Variants in TPPP3 observed in about 807,000 individuals in gnomAD.
TPPP3 encodes the protein tubulin polymerization-promoting protein family member 3.
A neutral mutation model predicts 13.1 loss-of-function variants in TPPP3; 7 were observed. The ratio of observed to expected loss-of-function variants is 0.54; its 90% CI spans 0.30 to 1.01. The LOEUF is 1.01. TPPP3 is among the 50% of genes least tolerant of loss of function. TPPP3 has a pLI of 0.06. For synonymous variants in TPPP3, 87 were observed against 93.7 expected (o/e 0.93, Z 0.41); for missense variants, 185 against 235.0 (o/e 0.79, Z 1.39).
Position 67,390,114 on chromosome 16 carries a change from G to A in TPPP3, c.*60C>T. 1.3e-6 allele frequency: 2 copies of A among 1,561,210 alleles called. No individual in the cohort carries two copies. Among genetic ancestry groups the A allele is most frequent in the Non-Finnish European group, 1.7e-6 (2 of 1,143,132 alleles). On this transcript the variant is annotated 3_prime_UTR_variant, in exon 4 of 4. Coordinates refer to ENST00000393957, the MANE Select transcript of TPPP3 (RefSeq NM_015964.4). This position sits in a 1 kb window ranked among gnomAD's most constrained non-coding sequence, Gnocchi z 6.4. ...GATCTCTTGCTCCACGTGCCCCTTA[G>A]ACCCAGGCCTGAGCCTCTGGCAGGG...
rs1032936125 is a variant in TPPP3, at chr16:67,390,107, C to T, written c.*67G>A. On this transcript the variant is annotated 3_prime_UTR_variant, in exon 4 of 4. Transcript: ENST00000393957. The surrounding 1 kb of genome is among the most constrained non-coding windows in gnomAD (Gnocchi z 6.4). ...GGACCAGGATCTCTTGCTCCACGTG[C>T]CCCTTAGACCCAGGCCTGAGCCTCT... 1 of 1,522,882 alleles carries T rather than the reference C, an allele frequency of 6.6e-7. No homozygotes were observed. Among genetic ancestry groups the T allele is most frequent in the Admixed American group, 1.8e-5 (1 of 54,888 alleles). The allele number at this position is 1,522,882 out of a possible 1,614,324, so 94.3% of individuals were successfully genotyped here.
Position 67,391,049 on chromosome 16 carries a change from A to G in TPPP3, c.63T>C (p.Gly21=), listed in dbSNP as rs779477089. The change falls in exon 2 of 4, where the codon GGT becomes GGC. Residue 21 remains glycine (G), a synonymous_variant. Transcript: ENST00000393957. The surrounding 1 kb of genome is among the most constrained non-coding windows in gnomAD (Gnocchi z 6.3). ...TCTCTTGCCCACTGGCCTTGGGGTC[A>G]CCATGGATGGCAAACTTGCGGAAGC... is the stretch of plus-strand genomic sequence containing the variant. ...EESFRKFAIH[G]DPKASGQEMN... is the part of the protein sequence containing the mutation. 11 of 1,614,060 alleles carry G rather than the reference A, an allele frequency of 6.8e-6. No individual in the cohort carries two copies. Among genetic ancestry groups the G allele is most frequent in the African/African-American group, 1.3e-5 (1 of 74,920 alleles).
Position 67,392,134 on chromosome 16 carries a change from C to G in TPPP3, c.-6-1017G>C, listed in dbSNP as rs1461348328. ...CACACCAGCCCACATTCCCAGCGAC[C>G]CTGTGCACTCAGCCCTGGCCTGCCA... On this transcript the variant is annotated intron_variant, in intron 1 of 3. Coordinates refer to ENST00000393957, the MANE Select transcript of TPPP3 (RefSeq NM_015964.4). This position sits in a 1 kb window ranked among gnomAD's most constrained non-coding sequence, Gnocchi z 4.9. Among the ~76,000 whole-genome samples the G allele has an allele frequency of 6.6e-6, 1 of 151,732 alleles. No homozygotes were observed. Among genetic ancestry groups the G allele is most frequent in the Admixed American group, 6.6e-5 (1 of 15,242 alleles).
Position 67,390,574 on chromosome 16 carries a change from C to T in TPPP3, c.247G>A (p.Ala83Thr). 6.2e-7 allele frequency: 1 copy of T among 1,614,010 alleles called. No homozygotes were observed. The highest frequency in any genetic ancestry group is 8.5e-7 in the Non-Finnish European group (1 of 1,180,020). Residue 83 changes from alanine to threonine, a missense_variant, in exon 3 of 4, where the codon GCG becomes ACG. Ala to Thr is a moderately conservative substitution (Grantham distance 58). Coordinates refer to ENST00000393957, the MANE Select transcript of TPPP3 (RefSeq NM_015964.4). This position sits in a 1 kb window ranked among gnomAD's most constrained non-coding sequence, Gnocchi z 6.4. ...CTCTTCCCCTTGAATCTCTTGGTCG[C>T]CAGCTCTTCCAGGGCCTTCTTGAAC... ...EEFKKALEEL[A>T]TKRFKGKSKE... is the part of the protein sequence containing the mutation.
chr16:67,393,439 T>G lies in TPPP3; in HGVS notation c.-66A>C. The G allele has an allele frequency of 1.0e-6, 1 of 985,586 alleles. No homozygotes were observed. Among genetic ancestry groups the G allele is most frequent in the Non-Finnish European group, 1.2e-6 (1 of 830,048 alleles). The allele number at this position is 985,586 out of a possible 1,614,324, so 61.1% of individuals were successfully genotyped here. A position where few individuals can be genotyped will look rare whatever the true frequency, so the allele number is the denominator to read the frequency against. ...ACAGAACGACGCAGGAATGGACCGATGGACGCGGGAGACCAGGCGGCTCCG... is the reference window on the plus strand; with the variant it reads ...ACAGAACGACGCAGGAATGGACCGAGGGACGCGGGAGACCAGGCGGCTCCG... On this transcript the variant is annotated 5_prime_UTR_variant, in exon 1 of 4. Transcript: ENST00000393957. The surrounding 1 kb of genome is among the most constrained non-coding windows in gnomAD (Gnocchi z 5.4).
rs576548850 is a variant in TPPP3, at chr16:67,390,005, A to G, written c.*169T>C. The G allele has an allele frequency of 6.1e-6, 4 of 655,384 alleles. No individual in the cohort carries two copies. The Admixed American group carries it at 1.2e-4, about 19-fold the overall frequency. 40.6% of individuals were successfully genotyped at this position (655,384 alleles called of 1,614,324 possible). A position where few individuals can be genotyped will look rare whatever the true frequency, so the allele number is the denominator to read the frequency against. ...GAGGAGGAGGAAGGGGCCGCAGAGC[A>G]GCCTGGGTCAGAGGCCTGGTGGGCC... On this transcript the variant is annotated 3_prime_UTR_variant, in exon 4 of 4. Transcript: ENST00000393957. This position sits in a 1 kb window ranked among gnomAD's most constrained non-coding sequence, Gnocchi z 6.4.
In TPPP3 at chr16:67,390,146, G is replaced by A. The variant is rs751303294; in HGVS notation, c.*28C>T. The stretch of plus-strand genomic sequence containing the variant: ...GCCTGAGCCTCTGGCAGGGGCAGCC[G>A]CACTTGGCAGGGCGGTCTTCCCAAG... On this transcript the variant is annotated 3_prime_UTR_variant, in exon 4 of 4. Transcript: ENST00000393957. This position sits in a 1 kb window ranked among gnomAD's most constrained non-coding sequence, Gnocchi z 6.4. 1.6e-5 allele frequency: 26 copies of A among 1,606,042 alleles called. No homozygotes were observed. The highest frequency in any genetic ancestry group is 1.3e-4 in the East Asian group (6 of 44,746).
In TPPP3 at chr16:67,392,156, G is replaced by A. The variant is rs1411828397; in HGVS notation, c.-6-1039C>T. The stretch of plus-strand genomic sequence containing the variant: ...GACCCTGTGCACTCAGCCCTGGCCT[G>A]CCACCCCCTGGGCCTTGTACCCCTG... On this transcript the variant is annotated intron_variant, in intron 1 of 3. Coordinates refer to ENST00000393957, the MANE Select transcript of TPPP3 (RefSeq NM_015964.4). This position sits in a 1 kb window ranked among gnomAD's most constrained non-coding sequence, Gnocchi z 4.9. Among the ~76,000 whole-genome samples the A allele has an allele frequency of 6.6e-6, 1 of 150,986 alleles. No homozygotes were observed. Among genetic ancestry groups the A allele is most frequent in the Non-Finnish European group, 1.5e-5 (1 of 67,762 alleles).
Position 67,390,389 on chromosome 16 carries a change from C to T in TPPP3, c.343-27G>A. ...TGTTTGGACAGAGTTTCCCCAGGGG[C>T]ACCTGATGAGGGAGCCCAGCCCTTC... On this transcript the variant is annotated intron_variant, in intron 3 of 3. Transcript: ENST00000393957. The surrounding 1 kb of genome is among the most constrained non-coding windows in gnomAD (Gnocchi z 6.4). 1 of 1,609,984 alleles carries T rather than the reference C, an allele frequency of 6.2e-7. No homozygotes were observed. Among genetic ancestry groups the T allele is most frequent in the Non-Finnish European group, 8.5e-7 (1 of 1,176,712 alleles).
In TPPP3 at chr16:67,393,234, G is replaced by T. The variant is rs2040351273; in HGVS notation, c.-7+146C>A. 2 of 779,506 alleles carry T rather than the reference G, an allele frequency of 2.6e-6. No homozygotes were observed. Among genetic ancestry groups the T allele is most frequent in the South Asian group, 5.8e-5 (1 of 17,210 alleles). 48.3% of individuals were successfully genotyped at this position (779,506 alleles called of 1,614,324 possible). A position where few individuals can be genotyped will look rare whatever the true frequency, so the allele number is the denominator to read the frequency against. On this transcript the variant is annotated intron_variant, in intron 1 of 3. Transcript: ENST00000393957. This position sits in a 1 kb window ranked among gnomAD's most constrained non-coding sequence, Gnocchi z 5.4. ...GGAGGTGGGGGCTGCGAGGTGGAAT[G>T]CTTGGGGCCAGGGCAGGGCCGCTCA...
rs752727138 is a variant in TPPP3 at position 67,390,282 on chromosome 16, C to G, written c.423G>C (p.Glu141Asp). Residue 141 changes from glutamate (E) to aspartate (D), a missense_variant, in exon 4 of 4, where the codon GAG (glutamate) becomes GAC (aspartate). Coordinates refer to ENST00000393957, the MANE Select transcript of TPPP3 (RefSeq NM_015964.4). The surrounding 1 kb of genome is among the most constrained non-coding windows in gnomAD (Gnocchi z 6.4). The part of the protein sequence containing the change: ...YTGSHKERFD[E>D]SGKGKGIAGR... ...CCGCAATGCCCTTGCCCTTGCCGCT[C>G]TCATCGAAGCGCTCCTTGTGGGAGC... The G allele has an allele frequency of 5.0e-6, 8 of 1,614,258 alleles. No homozygotes were observed. The highest frequency in any genetic ancestry group is 2.2e-5 in the South Asian group (2 of 91,090).
chr16:67,390,640 G>C lies in TPPP3; in HGVS notation c.189-8C>G. 1 of 1,609,342 alleles carries C rather than the reference G, an allele frequency of 6.2e-7. No homozygotes were observed. The highest frequency in any genetic ancestry group is 8.5e-7 in the Non-Finnish European group (1 of 1,178,782). On this transcript the variant is annotated splice_region_variant and splice_polypyrimidine_tract_variant and intron_variant, in intron 2 of 3. Transcript: ENST00000393957. The surrounding 1 kb of genome is among the most constrained non-coding windows in gnomAD (Gnocchi z 6.4). ...ACCCGAGCAGACTTCCCCCTGACAG[G>C]CATGTGGGCACCATGAGGGTTCCCC... is the stretch of plus-strand genomic sequence containing the variant.
Position 67,390,424 on chromosome 16 carries a change from G to GC in TPPP3, c.342+54dup, listed in dbSNP as rs1381502351. 4.4e-6 allele frequency: 7 copies of GC among 1,606,316 alleles called. No individual in the cohort carries two copies. The highest frequency in any genetic ancestry group is 6.0e-6 in the Non-Finnish European group (7 of 1,174,500). The stretch of plus-strand genomic sequence containing the variant: ...GGGAGCCCAGCCCTTCCCACCCACA[G>GC]CCACGATTCCCCACACCCCATTCCG... On this transcript the variant is annotated intron_variant, in intron 3 of 3. Coordinates refer to ENST00000393957, the MANE Select transcript of TPPP3 (RefSeq NM_015964.4). This position sits in a 1 kb window ranked among gnomAD's most constrained non-coding sequence, Gnocchi z 6.4.
Position 67,390,200 on chromosome 16 carries a change from T to TGCCTGCATTCTTGTAGGC in TPPP3, c.487_504dup (p.Ala163_Gly168dup), listed in dbSNP as rs1470722556. The TGCCTGCATTCTTGTAGGC allele has an allele frequency of 6.2e-7, 1 of 1,614,086 alleles. No individual in the cohort carries two copies. The highest frequency in any genetic ancestry group is 8.5e-7 in the Non-Finnish European group (1 of 1,180,032). Reference sequence around the variant, plus strand: ...CACTTCTTCACCTTGGCATCGTAGGTGCCTGCATTCTTGTAGGCGCTCACG... The same window carrying TGCCTGCATTCTTGTAGGC: ...CACTTCTTCACCTTGGCATCGTAGGTGCCTGCATTCTTGTAGGCGCCTGCATTCTTGTAGGCGCTCACG... On this transcript the variant is annotated inframe_insertion, in exon 4 of 4. Transcript: ENST00000393957. This position sits in a 1 kb window ranked among gnomAD's most constrained non-coding sequence, Gnocchi z 6.4.
At position 67,390,903 on chromosome 16, in the gene TPPP3, C is replaced by A; in HGVS notation, c.188+21G>T. On this transcript the variant is annotated intron_variant, in intron 2 of 3. Transcript: ENST00000393957. This position sits in a 1 kb window ranked among gnomAD's most constrained non-coding sequence, Gnocchi z 6.4. ...CCCCACCTCCTGGGAACATGAGAAG[C>A]AGGGGCTGCTTAGGGCTCACTTGAC... 1.2e-6 allele frequency: 2 copies of A among 1,607,674 alleles called. No individual in the cohort carries two copies. The highest frequency in any genetic ancestry group is 1.1e-5 in the South Asian group (1 of 90,588).
At position 67,390,372 on chromosome 16, in the gene TPPP3, C is replaced by T; in HGVS notation, c.343-10G>A. 1 of 1,612,266 alleles carries T rather than the reference C, an allele frequency of 6.2e-7. No homozygotes were observed. Among genetic ancestry groups the T allele is most frequent in the South Asian group, 1.1e-5 (1 of 91,042 alleles). On this transcript the variant is annotated splice_polypyrimidine_tract_variant and intron_variant, in intron 3 of 3. Coordinates refer to ENST00000393957, the MANE Select transcript of TPPP3 (RefSeq NM_015964.4). This position sits in a 1 kb window ranked among gnomAD's most constrained non-coding sequence, Gnocchi z 6.4. ...CCCCTGTTTTTGCTTTCTGTTTGGA[C>T]AGAGTTTCCCCAGGGGCACCTGATG...
chr16:67,390,578 C>A lies in TPPP3; in HGVS notation c.243G>T (p.Glu81Asp), dbSNP rs756257735. ...TCCCCTTGAATCTCTTGGTCGCCAG[C>A]TCTTCCAGGGCCTTCTTGAACTCCT... ...NYEEFKKALE[E>D]LATKRFKGKS... is the part of the protein sequence containing the mutation. The change falls in exon 3 of 4, where the codon GAG becomes GAT. Residue 81 changes from glutamate (E) to aspartate (D), a missense_variant. Coordinates refer to ENST00000393957, the MANE Select transcript of TPPP3 (RefSeq NM_015964.4). The surrounding 1 kb of genome is among the most constrained non-coding windows in gnomAD (Gnocchi z 6.4). 1 of 1,613,928 alleles carries A rather than the reference C, an allele frequency of 6.2e-7. No individual in the cohort carries two copies. The highest frequency in any genetic ancestry group is 8.5e-7 in the Non-Finnish European group (1 of 1,180,036).
chr16:67,391,743 C>T lies in TPPP3; in HGVS notation c.-6-626G>A, dbSNP rs75200440. The T allele has an allele frequency of 0.06, 9,173 of 153,010 alleles. 400 individuals carry two copies. Among genetic ancestry groups the T allele is most frequent in the Middle Eastern group, 0.11 (34 of 296 alleles). The allele number at this position is 153,010 out of a possible 1,614,324, so 9.5% of individuals were successfully genotyped here. Reference sequence around the variant, plus strand: ...GGCCACAGTTTGTGAAGCCTGGAGACGGTTGCTAAGGGAGGGTGGTGCTGC... The same window carrying T: ...GGCCACAGTTTGTGAAGCCTGGAGATGGTTGCTAAGGGAGGGTGGTGCTGC... On this transcript the variant is annotated intron_variant, in intron 1 of 3. Coordinates refer to ENST00000393957, the MANE Select transcript of TPPP3 (RefSeq NM_015964.4). The surrounding 1 kb of genome is among the most constrained non-coding windows in gnomAD (Gnocchi z 6.3).
Position 67,390,532 on chromosome 16 carries a change from C to T in TPPP3, c.289G>A (p.Asp97Asn), listed in dbSNP as rs148528846. The change falls in exon 3 of 4, where the codon GAT (aspartate) becomes AAT (asparagine). Residue 97 changes from aspartate (D) to asparagine (N), a missense_variant. Transcript: ENST00000393957. The surrounding 1 kb of genome is among the most constrained non-coding windows in gnomAD (Gnocchi z 6.4). ...FKGKSKEEAF[D>N]AICQLVAGKE... The stretch of plus-strand genomic sequence containing the variant: ...CCTGCCACCAGCTGGCAGATGGCAT[C>T]GAAGGCCTCCTCCTTGCTCTTCCCC... 12 of 1,613,886 alleles carry T rather than the reference C, an allele frequency of 7.4e-6. No individual in the cohort carries two copies. In the Admixed American group the frequency reaches 1.0e-4, roughly 13 times the overall value.
Sources: allele counts gnomAD v4.1 joint callset (sites outside exome capture counted in the v4.1 genomes callset), GRCh38; gene constraint gnomAD v4.1.1; non-coding constraint Gnocchi (gnomAD v3.1); transcripts MANE v1.5; gene names NCBI Gene and HGNC (gene_info 2026-07-23, HGNC 2026-07-21).